Variants in CNTLN observed in about 807,000 individuals in gnomAD.
CNTLN encodes centlein, centrosomal protein.
A neutral mutation model predicts 180.0 loss-of-function variants in CNTLN; 212 were observed. The observed-to-expected ratio is 1.18, with a 90% CI of 1.05 to 1.32. The LOEUF (loss-of-function observed/expected upper bound fraction) is 1.32, where lower values mean the gene tolerates loss of function less well. Among genes scored for constraint, CNTLN ranks in the 40% most tolerant of loss-of-function variants. CNTLN has a pLI of 0.00. For synonymous variants in CNTLN, 722 were observed against 563.1 expected, an observed-to-expected ratio of 1.28 and a Z score of -3.99; for missense variants, 2,095 against 1,610.9, an observed-to-expected ratio of 1.30 and a Z score of -5.14.
chr9:17,438,109 A>G (rs191996491), intron 18 of CNTLN, among the ~76,000 whole-genome samples: 4 of 152,286 alleles, frequency 2.6e-5, no homozygotes, highest in Admixed American at 2.0e-4. Flanking sequence ...TTTGAAAAAT[A>G]CTTGTGCCAA....
At chr9:17,370,827 G>A (rs772332676) in intron 13 of CNTLN, among the ~76,000 whole-genome samples, 44 of 152,126 alleles carry the variant, frequency 2.9e-4, no homozygotes, top group Middle Eastern at 3.4e-3. Context: ...TATCAGTTTT[G>A]TTTTTGCTTG....
chr9:17,474,224 T>C (rs1832204271), intron 23 of CNTLN, among the ~76,000 whole-genome samples: 2 of 152,190 alleles, frequency 1.3e-5, no homozygotes, highest in Admixed American at 1.3e-4. Flanking sequence ...TGATTTTCAC[T>C]TGGATGTCTA....
chr9:17,367,620 A>G (rs556540096), intron 13 of CNTLN, among the ~76,000 whole-genome samples: 1 of 152,202 alleles, frequency 6.6e-6, no homozygotes, highest in Admixed American at 6.5e-5. Context: ...AAGAAAGATC[A>G]AATAGGTCTT....
At chr9:17,264,538 G>A (rs1324684220) in intron 5 of CNTLN, among the ~76,000 whole-genome samples, 2 of 150,860 alleles carry the variant, frequency 1.3e-5, no homozygotes, top group Admixed American at 6.6e-5. Flanking sequence ...CTCTCTTTTG[G>A]TTCCATATGA....
intron 13 of CNTLN, among the ~76,000 whole-genome samples, chr9:17,387,747 CT>C (rs1825788425): frequency 6.6e-6 from 1 of 152,046 alleles, no homozygotes; most frequent in African/African-American, 2.4e-5. Flanking sequence ...TTACTGTTTG[CT>C]TTGTTCAGCA....
chr9:17,297,473 A>G (rs1225431604), intron 6 of CNTLN, among the ~76,000 whole-genome samples: 1 of 152,224 alleles, frequency 6.6e-6, no homozygotes, highest in Non-Finnish European at 1.5e-5. Context: ...TGTATCACAC[A>G]GGATTCACAA....
chr9:17,423,903 A>C (rs529630552), intron 18 of CNTLN, among the ~76,000 whole-genome samples: 1 of 152,244 alleles, frequency 6.6e-6, no homozygotes, highest in East Asian at 1.9e-4. Context: ...GATGTAGGCA[A>C]TGCAAGACTC....
At chr9:17,516,612 A>C in the CNTLN span, among the ~76,000 whole-genome samples, 1 of 152,168 alleles carries the variant, frequency 6.6e-6, no homozygotes, top group Non-Finnish European at 1.5e-5. Flanking sequence ...CCCCCCCTGG[A>C]TAATATGCCT....
intron 18 of CNTLN, among the ~76,000 whole-genome samples, chr9:17,437,789 A>T (rs1371396186): frequency 6.6e-6 from 1 of 152,146 alleles, no homozygotes; most frequent in Non-Finnish European, 1.5e-5. Context: ...ATAAAAGGAA[A>T]CTGTGAGATA....
intron 1 of CNTLN, among the ~76,000 whole-genome samples, chr9:17,136,641 C>G (rs964018795): frequency 6.6e-5 from 10 of 152,286 alleles, no homozygotes; most frequent in Non-Finnish European, 1.5e-4. Flanking sequence ...CTGTTGGATT[C>G]TTTTGCCCAT....
chr9:17,143,027 G>T (rs1245183096), intron 1 of CNTLN, among the ~76,000 whole-genome samples: 1 of 152,170 alleles, frequency 6.6e-6, no homozygotes, highest in Non-Finnish European at 1.5e-5. Context: ...TTTCCTTTTA[G>T]AGCAAGTTTA....
intron 5 of CNTLN, among the ~76,000 whole-genome samples, chr9:17,268,197 C>G (rs1440835602): frequency 6.6e-6 from 1 of 152,068 alleles, no homozygotes; most frequent in Admixed American, 6.6e-5. Flanking sequence ...ATGGTGGTGA[C>G]TTACAGATGG....
intron 18 of CNTLN, among the ~76,000 whole-genome samples, chr9:17,453,202 G>A (rs2584540): frequency 0.73 from 111,090 of 151,846 alleles, 40,783 homozygotes; most frequent in East Asian, 0.91. Flanking sequence ...AGTCCCTGCT[G>A]CTCAGGAGGC....
chr9:17,291,653 G>C (rs1362351704), intron 6 of CNTLN, among the ~76,000 whole-genome samples: 1 of 152,200 alleles, frequency 6.6e-6, no homozygotes, highest in East Asian at 1.9e-4. Flanking sequence ...CTTTCCATTT[G>C]CTTGGTATAT....
At chr9:17,237,705 A>G (rs1203815007) in intron 5 of CNTLN, among the ~76,000 whole-genome samples, 1 of 152,010 alleles carries the variant, frequency 6.6e-6, no homozygotes, top group African/African-American at 2.4e-5. Context: ...GCTGGGTTCA[A>G]TCCTCCAGGA....
chr9:17,271,358 G>C (rs1248853257), intron 5 of CNTLN, among the ~76,000 whole-genome samples: 1 of 152,072 alleles, frequency 6.6e-6, no homozygotes, highest in Non-Finnish European at 1.5e-5. Flanking sequence ...TTCTGTGTGA[G>C]GGCTAGCTTT....
intron 2 of CNTLN, among the ~76,000 whole-genome samples, chr9:17,206,927 C>G (rs1587143004): frequency 4.6e-5 from 7 of 152,366 alleles, no homozygotes; most frequent in Admixed American, 4.6e-4. Flanking sequence ...TGCCAAACAG[C>G]TTGTTAAAAA....
intron 23 of CNTLN, among the ~76,000 whole-genome samples, chr9:17,473,623 C>G (rs953616538): frequency 2.4e-4 from 37 of 151,664 alleles, no homozygotes; most frequent in African/African-American, 8.0e-4. Flanking sequence ...AAAAAACAAC[C>G]CTTCATTTGA....
chr9:17,463,425 G>A (rs560746517), intron 20 of CNTLN, among the ~76,000 whole-genome samples: 105 of 151,614 alleles, frequency 6.9e-4, no homozygotes, highest in Non-Finnish European at 1.4e-3. Flanking sequence ...TGGAGGTTAT[G>A]GAAGTTTGTA....
Sources: gnomAD v4.1 joint callset for allele counts (sites outside exome capture counted in the v4.1 genomes callset) on GRCh38, gnomAD v4.1.1 for gene constraint, MANE v1.5 for transcripts, NCBI Gene and HGNC (gene_info 2026-07-23, HGNC 2026-07-21) for gene names.